The following PECAM1 variants were observed in gnomAD, a reference collection of about 807,000 sequenced individuals.
PECAM1 encodes the protein platelet and endothelial cell adhesion molecule 1, also known as platelet endothelial cell adhesion molecule.
In PECAM1, 8 loss-of-function variants were observed where a neutral mutation model predicts 13.8. The ratio of observed to expected loss-of-function variants is 0.58; its 90% CI spans 0.34 to 1.05. PECAM1 has a LOEUF of 1.05. PECAM1 is among the 50% of genes least tolerant of loss of function. The pLI is 0.03. For missense variants in PECAM1, 304 were observed against 141.2 expected (o/e 2.15, Z -5.84); for synonymous variants, 136 against 52.6 (o/e 2.58, Z -6.86).
At chr17:64,340,644 C>T (rs2035403432) in intron 14 of PECAM1, among the ~76,000 whole-genome samples, 1 of 152,134 alleles carries the variant, frequency 6.6e-6, no homozygotes, top group African/African-American at 2.4e-5. Context: ...TGAGCTCCCC[C>T]AGTTCCAGGT....
intron 2 of PECAM1, among the ~76,000 whole-genome samples, chr17:64,379,764 C>G (rs1289317606): frequency 6.6e-6 from 1 of 152,132 alleles, no homozygotes; most frequent in Non-Finnish European, 1.5e-5. Flanking sequence ...TGGCTCACAC[C>G]TGTAATCCCA....
intron 6 of PECAM1, among the ~76,000 whole-genome samples, chr17:64,362,057 G>GTT (rs2035995616): frequency 6.6e-6 from 1 of 152,152 alleles, no homozygotes; most frequent in African/African-American, 2.4e-5. Context: ...AAAGGATCGT[G>GTT]ACTGAATAAT....
At chr17:64,390,224 AAAC>A in intron 2 of PECAM1, 1 of 384,200 alleles carries the variant, frequency 2.6e-6, no homozygotes, top group Non-Finnish European at 4.6e-6. Flanking sequence ...GTAACTGACT[AAAC>A]AATTCATCAA....
intron 14 of PECAM1, among the ~76,000 whole-genome samples, chr17:64,336,624 G>A (rs956684827): frequency 2.6e-5 from 4 of 152,112 alleles, no homozygotes; most frequent in East Asian, 3.9e-4. Context: ...GGTGGCGCAC[G>A]CCTGAATCCC....
chr17:64,368,927 A>ATTTTTT (rs2036173492), intron 5 of PECAM1, among the ~76,000 whole-genome samples: 14 of 85,864 alleles, frequency 1.6e-4, no homozygotes, highest in African/African-American at 5.4e-4. Context: ...GGTAATTGTC[A>ATTTTTT]TTTCTTTTTT....
At chr17:64,379,789 C>T (rs1449556612) in intron 2 of PECAM1, among the ~76,000 whole-genome samples, 14 of 151,814 alleles carry the variant, frequency 9.2e-5, no homozygotes, top group Admixed American at 6.6e-5. Context: ...TTTGGGAGGC[C>T]GAGGCAGGAG....
Position 64,329,748 on chromosome 17 carries a change from G to A in PECAM1, c.2165-26C>T, listed in dbSNP as rs79977344. 5.1e-3 allele frequency: 3,874 copies of A among 765,142 alleles called. 88 individuals are homozygous for A. The African/African-American group carries it at 0.058, about 11-fold the overall frequency. 47.4% of individuals were successfully genotyped at this position (765,142 alleles called of 1,614,324 possible). ...CTACAAAACAAAGGATGACATGGCAGTGAGCAACGCAAATAACCCAGTTCA... is the reference window on the plus strand; with the variant it reads ...CTACAAAACAAAGGATGACATGGCAATGAGCAACGCAAATAACCCAGTTCA... On this transcript the variant is annotated intron_variant, in intron 14 of 15. Transcript: ENST00000563924.
intron 13 of PECAM1, among the ~76,000 whole-genome samples, chr17:64,345,658 T>A (rs2035546073): frequency 6.8e-6 from 1 of 146,252 alleles, no homozygotes; most frequent in South Asian, 2.1e-4. Flanking sequence ...GGAAGCAGTG[T>A]GCCGAAACTG....
rs1052813228 is a variant in PECAM1 at position 64,386,759 on chromosome 17, C to G, written c.91+3730G>C. ...CCAGCCTGGGCAACAAAATGAGACC[C>G]CAGTCTCTACAAAAACAAACAAACA... On this transcript the variant is annotated intron_variant, in intron 2 of 15. Transcript: ENST00000563924. Among the ~76,000 whole-genome samples the G allele has an allele frequency of 2.6e-4, 39 of 152,070 alleles. No individual in the cohort carries two copies. The East Asian group carries it at 6.4e-3, about 25-fold the overall frequency.
At chr17:64,330,121 T>C (rs1401844673) in intron 14 of PECAM1, among the ~76,000 whole-genome samples, 1 of 151,988 alleles carries the variant, frequency 6.6e-6, no homozygotes, top group African/African-American at 2.4e-5. Flanking sequence ...ATTCAAGGAA[T>C]TCTCCTGCCT....
At chr17:64,346,817 C>T (rs1272888726) in intron 13 of PECAM1, among the ~76,000 whole-genome samples, 1 of 152,190 alleles carries the variant, frequency 6.6e-6, no homozygotes, top group Non-Finnish European at 1.5e-5. Flanking sequence ...AAAATCAGTG[C>T]CACTGCTCAC....
intron 6 of PECAM1, 134 bp downstream of exon 6, chr17:64,363,015 G>C (rs2143820600): frequency 2.2e-6 from 1 of 451,404 alleles, no homozygotes; most frequent in East Asian, 3.2e-5. Context: ...TTTGGCCTTT[G>C]ATTTCGCACT....
At chr17:64,368,081 A>T (rs1464906050) in intron 5 of PECAM1, among the ~76,000 whole-genome samples, 4 of 152,224 alleles carry the variant, frequency 2.6e-5, no homozygotes, top group Non-Finnish European at 5.9e-5. Context: ...GAATGCAGAC[A>T]CATGAGAACC....
intron 14 of PECAM1, among the ~76,000 whole-genome samples, chr17:64,340,778 C>G (rs1449979962): frequency 2.6e-5 from 4 of 152,064 alleles, no homozygotes; most frequent in Admixed American, 2.0e-4. Context: ...AACCCACACC[C>G]ACTCCCAAAG....
intron 2 of PECAM1, among the ~76,000 whole-genome samples, chr17:64,379,999 T>C (rs1248752174): frequency 1.4e-5 from 2 of 146,638 alleles, no homozygotes; most frequent in Admixed American, 6.9e-5. Context: ...CACTCCAGCC[T>C]AGGTGACAGA....
intron 13 of PECAM1, among the ~76,000 whole-genome samples, chr17:64,342,976 C>T (rs2035472838): frequency 2.0e-5 from 3 of 151,922 alleles, no homozygotes; most frequent in African/African-American, 2.4e-5. Flanking sequence ...CACACACATA[C>T]ATACCCACCA....
chr17:64,331,382 C>T (rs1048189771), intron 14 of PECAM1, among the ~76,000 whole-genome samples: 5 of 152,170 alleles, frequency 3.3e-5, no homozygotes, highest in African/African-American at 4.8e-5. Context: ...GATGGGGTTT[C>T]GCCATGTTGG....
intron 13 of PECAM1, among the ~76,000 whole-genome samples, chr17:64,347,744 T>TA (rs2035614659): frequency 7.1e-5 from 10 of 141,082 alleles, no homozygotes; most frequent in African/African-American, 2.8e-4. Flanking sequence ...ATATATATAT[T>TA]TTTTGAGATG....
intron 4 of PECAM1, among the ~76,000 whole-genome samples, chr17:64,371,503 C>T (rs1004686251): frequency 0.039 from 5,898 of 152,024 alleles, 371 homozygotes; most frequent in African/African-American, 0.14. Context: ...TGAGACCCTC[C>T]ATCTCAAAAA....
Sources: allele counts gnomAD v4.1 joint callset (sites outside exome capture counted in the v4.1 genomes callset), GRCh38; gene constraint gnomAD v4.1.1; transcripts MANE v1.5; gene names NCBI Gene and HGNC (gene_info 2026-07-23, HGNC 2026-07-21).